Variants in MAP3K6 observed in about 807,000 individuals in gnomAD.
The protein encoded by MAP3K6 is mitogen-activated protein kinase kinase kinase 6, also known as apoptosis signal-regulating kinase 2.
A neutral mutation model predicts 147.1 loss-of-function variants in MAP3K6; 105 were observed. That is an observed-to-expected ratio of 0.71 (90% CI 0.61 to 0.84). MAP3K6 has a LOEUF of 0.84. MAP3K6 is among the 40% of genes least tolerant of loss of function. The pLI is 0.00. For synonymous variants in MAP3K6, 695 were observed against 732.4 expected (o/e 0.95, Z 0.82); for missense variants, 1,569 against 1,715.0 (o/e 0.91, Z 1.50).
chr1:27,358,897 TC>T lies in MAP3K6; in HGVS notation c.2426-32del, dbSNP rs772707316. ...ACAGAAACAGGAGCACCAATGCCCATCTAGGCTTCATCATGGGGTTGGAGCA... is the reference window on the plus strand; with the variant it reads ...ACAGAAACAGGAGCACCAATGCCCATTAGGCTTCATCATGGGGTTGGAGCA... On this transcript the variant is annotated intron_variant, in intron 18 of 28. Transcript: ENST00000357582. This position sits in a 1 kb window ranked among gnomAD's most constrained non-coding sequence, Gnocchi z 6.2. 3.0e-4 allele frequency: 458 copies of T among 1,538,610 alleles called. 1 individual carries two copies. The Middle Eastern group carries it at 9.3e-3, about 31-fold the overall frequency.
At position 27,362,213 on chromosome 1, in the gene MAP3K6, G is replaced by A. The variant is rs775463638; in HGVS notation, c.1293C>T (p.Cys431=). ...CCCAGTAATACTGCATCTTCTCCAC[G>A]CAGCCTTTGCGGGCCAGCAGGCAGC... ...KLGCLLARKG[C]VEKMQYYWDV... Residue 431 remains cysteine, a synonymous_variant, in exon 9 of 29, where the codon TGC becomes TGT. Coordinates refer to ENST00000357582, the MANE Select transcript of MAP3K6 (RefSeq NM_004672.5). 20 of 1,613,028 alleles carry A rather than the reference G, an allele frequency of 1.2e-5. No homozygotes were observed. The East Asian group carries it at 2.5e-4, about 20-fold the overall frequency.
chr1:27,357,128 G>A lies in MAP3K6; in HGVS notation c.3259-14C>T, dbSNP rs775280391. On this transcript the variant is annotated splice_polypyrimidine_tract_variant and intron_variant, in intron 23 of 28. Coordinates refer to ENST00000357582, the MANE Select transcript of MAP3K6 (RefSeq NM_004672.5). Reference sequence around the variant, plus strand: ...GATCTGCTTCACCTGCAGGGGGAGGGAGGCGCCGCTGAGACAGCTGAGCCT... The same window carrying A: ...GATCTGCTTCACCTGCAGGGGGAGGAAGGCGCCGCTGAGACAGCTGAGCCT... 1 of 1,608,276 alleles carries A rather than the reference G, an allele frequency of 6.2e-7. No homozygotes were observed. The highest frequency in any genetic ancestry group is 2.2e-5 in the East Asian group (1 of 44,844).
At chr1:27,356,855 G>A in intron 24 of MAP3K6, 106 bp from the exon 25 acceptor site, 2 of 1,457,032 alleles carry the variant, frequency 1.4e-6, no homozygotes, top group South Asian at 1.3e-5. Flanking sequence ...GGCCCCAGGC[G>A]GTGCCGGTAT....
Position 27,357,075 on chromosome 1 carries a change from A to C in MAP3K6, c.3298T>G (p.Trp1100Gly). ...ILRKRQIRPH[W>G]MFVLDSLLSR... is the part of the protein sequence containing the mutation. Reference sequence around the variant, plus strand: ...AGCAGTGAGTCCAGAACGAACATCCAGTGTGGACGGATCTGGCGCTTGCGG... The same window carrying C: ...AGCAGTGAGTCCAGAACGAACATCCCGTGTGGACGGATCTGGCGCTTGCGG... Residue 1100 changes from tryptophan to glycine, a missense_variant, in exon 24 of 29, where the codon TGG (tryptophan) becomes GGG (glycine). Transcript: ENST00000357582. 1 of 1,614,100 alleles carries C rather than the reference A, an allele frequency of 6.2e-7. No homozygotes were observed. Among genetic ancestry groups the C allele is most frequent in the African/African-American group, 1.3e-5 (1 of 75,064 alleles).
At position 27,358,822 on chromosome 1, in the gene MAP3K6, G is replaced by A. The variant is rs1171225719; in HGVS notation, c.2470C>T (p.Arg824Cys). 16 of 1,607,256 alleles carry A rather than the reference G, an allele frequency of 1.0e-5. No homozygotes were observed. Among genetic ancestry groups the A allele is most frequent in the South Asian group, 5.6e-5 (5 of 90,054 alleles). ...MAPEIIDQGP[R>C]GYGKAADIWS... is the part of the protein sequence containing the mutation. ...ATGTCAGCTGCTTTCCCATACCCGC[G>A]TGGGCCCTGGTCAATGATTTCTGGG... Residue 824 changes from arginine to cysteine, a missense_variant, in exon 19 of 29, where the codon CGC becomes TGC. Coordinates refer to ENST00000357582, the MANE Select transcript of MAP3K6 (RefSeq NM_004672.5). The surrounding 1 kb of genome is among the most constrained non-coding windows in gnomAD (Gnocchi z 6.2).
Position 27,360,558 on chromosome 1 carries a change from G to A in MAP3K6, c.2054+147C>T, listed in dbSNP as rs2015710585. 1 of 1,386,874 alleles carries A rather than the reference G, an allele frequency of 7.2e-7. No homozygotes were observed. Among genetic ancestry groups the A allele is most frequent in the Non-Finnish European group, 9.5e-7 (1 of 1,047,298 alleles). The allele number at this position is 1,386,874 out of a possible 1,614,324, so 85.9% of individuals were successfully genotyped here. On this transcript the variant is annotated intron_variant, in intron 15 of 28. Transcript: ENST00000357582. The surrounding 1 kb of genome is among the most constrained non-coding windows in gnomAD (Gnocchi z 4.5). ...CCGCCCGCACGGTCCTGGCTGTTCCGCCCACGGGCCCAGTCCACAGGGCTC... is the reference window on the plus strand; with the variant it reads ...CCGCCCGCACGGTCCTGGCTGTTCCACCCACGGGCCCAGTCCACAGGGCTC...
In MAP3K6 at chr1:27,364,041, C is replaced by T. The variant is rs1026208474; in HGVS notation, c.740G>A (p.Arg247Gln). The T allele has an allele frequency of 1.3e-5, 21 of 1,612,682 alleles. No homozygotes were observed. The highest frequency in any genetic ancestry group is 3.3e-5 in the Admixed American group (2 of 59,982). Residue 247 changes from arginine (R) to glutamine (Q), a missense_variant, in exon 5 of 29, where the codon CGG becomes CAG. Arg to Gln is a conservative substitution (Grantham distance 43). Coordinates refer to ENST00000357582, the MANE Select transcript of MAP3K6 (RefSeq NM_004672.5). The surrounding 1 kb of genome is among the most constrained non-coding windows in gnomAD (Gnocchi z 4.4). Reference sequence around the variant, plus strand: ...CAGCTGTGGCCCACTGAACCGCTCCCGCGCCTGCCGGATGTCCCGCCGAAT... The same window carrying T: ...CAGCTGTGGCCCACTGAACCGCTCCTGCGCCTGCCGGATGTCCCGCCGAAT... ...ETIRRDIRQA[R>Q]ERFSGPQLRQ... is the part of the protein sequence containing the mutation.
In MAP3K6 at chr1:27,355,359, C is replaced by A. The variant is rs773239731; in HGVS notation, c.*32G>T. ...TCCTCTCCATTCATCCATCCTTGGG[C>A]CTGTCTGGCCTATGATGCCCTCATT... On this transcript the variant is annotated 3_prime_UTR_variant, in exon 29 of 29. Coordinates refer to ENST00000357582, the MANE Select transcript of MAP3K6 (RefSeq NM_004672.5). 3 of 1,586,050 alleles carry A rather than the reference C, an allele frequency of 1.9e-6. No individual in the cohort carries two copies. Among genetic ancestry groups the A allele is most frequent in the African/African-American group, 1.3e-5 (1 of 74,404 alleles).
intron 24 of MAP3K6, 120 bp downstream of exon 24, chr1:27,356,889 C>A: frequency 7.1e-7 from 1 of 1,411,628 alleles, no homozygotes; most frequent in Non-Finnish European, 9.6e-7. Context: ...TTAGTCACGC[C>A]CCCACCGGCG....
In MAP3K6 at chr1:27,366,335, G is replaced by T; in HGVS notation, c.263C>A (p.Pro88His). The change falls in exon 1 of 29, where the codon CCC becomes CAC. Residue 88 changes from proline (P) to histidine (H), a missense_variant. Transcript: ENST00000357582. The surrounding 1 kb of genome is among the most constrained non-coding windows in gnomAD (Gnocchi z 5.5). ...GAAGGGCAGGCTGCGCAGCTGCGGG[G>T]GCGGCCGCGGCCGGGGGACCTGCGC... The part of the protein sequence containing the change: ...ACAQVPRPRP[P>H]PQLRSLPFGT... 1 of 1,293,992 alleles carries T rather than the reference G, an allele frequency of 7.7e-7. No individual in the cohort carries two copies. The highest frequency in any genetic ancestry group is 9.8e-7 in the Non-Finnish European group (1 of 1,022,668). 80.2% of individuals were successfully genotyped at this position (1,293,992 alleles called of 1,614,324 possible). A position where few individuals can be genotyped will look rare whatever the true frequency, so the allele number is the denominator to read the frequency against.
At chr1:27,365,681 G>A (rs919418854) in intron 1 of MAP3K6, among the ~76,000 whole-genome samples, 1 of 150,094 alleles carries the variant, frequency 6.7e-6, no homozygotes, top group African/African-American at 2.5e-5. Context: ...GGGCCGCTGA[G>A]GCCACTTAAC....
At position 27,360,853 on chromosome 1, in the gene MAP3K6, G is replaced by A. The variant is rs2148053740; in HGVS notation, c.1921-15C>T. 9.9e-6 allele frequency: 16 copies of A among 1,612,370 alleles called. No individual in the cohort carries two copies. Among genetic ancestry groups the A allele is most frequent in the Non-Finnish European group, 1.4e-5 (16 of 1,179,692 alleles). ...TCATAATCAAACTGCCGGGCGCGGG[G>A]TGAGATGGGAGTTCAGCAGGGCCCG... On this transcript the variant is annotated splice_polypyrimidine_tract_variant and intron_variant, in intron 14 of 28. Coordinates refer to ENST00000357582, the MANE Select transcript of MAP3K6 (RefSeq NM_004672.5). This position sits in a 1 kb window ranked among gnomAD's most constrained non-coding sequence, Gnocchi z 4.5.
rs569458701 is a variant in MAP3K6, at chr1:27,359,187, C to T, written c.2425+230G>A. Among the ~76,000 whole-genome samples, 5 of 152,288 alleles carry T rather than the reference C, an allele frequency of 3.3e-5. No homozygotes were observed. Among genetic ancestry groups the T allele is most frequent in the Admixed American group, 3.3e-4 (5 of 15,290 alleles). On this transcript the variant is annotated intron_variant, in intron 18 of 28. Transcript: ENST00000357582. This position sits in a 1 kb window ranked among gnomAD's most constrained non-coding sequence, Gnocchi z 4.4. ...ATCACCTGCTTTTTCCTCCAACTCC[C>T]ACCTTGGCCTGCATCAACACTCCTC...
Position 27,363,113 on chromosome 1 carries a change from G to A in MAP3K6, c.972-92C>T, listed in dbSNP as rs915107779. ...CACTGAACCAGCAGGGACCCTTCCA[G>A]GGGCCTGACAATAATGACCTCAAAA... is the stretch of plus-strand genomic sequence containing the variant. On this transcript the variant is annotated intron_variant, in intron 6 of 28. Transcript: ENST00000357582. The A allele has an allele frequency of 9.2e-6, 11 of 1,197,090 alleles. No homozygotes were observed. In the Admixed American group the frequency reaches 3.0e-4, roughly 33 times the overall value. The allele number at this position is 1,197,090 out of a possible 1,614,324, so 74.2% of individuals were successfully genotyped here. A position where few individuals can be genotyped will look rare whatever the true frequency, so the allele number is the denominator to read the frequency against.
In MAP3K6 at chr1:27,366,352, G is replaced by C; in HGVS notation, c.246C>G (p.Val82=). 1.6e-6 allele frequency: 2 copies of C among 1,283,690 alleles called. No individual in the cohort carries two copies. Among genetic ancestry groups the C allele is most frequent in the South Asian group, 4.9e-5 (2 of 41,082 alleles). The allele number at this position is 1,283,690 out of a possible 1,614,324, so 79.5% of individuals were successfully genotyped here. A position where few individuals can be genotyped will look rare whatever the true frequency, so the allele number is the denominator to read the frequency against. ...GCTGCGGGGGCGGCCGCGGCCGGGGGACCTGCGCGCAAGCCTCGCGCAGGC... is the reference window on the plus strand; with the variant it reads ...GCTGCGGGGGCGGCCGCGGCCGGGGCACCTGCGCGCAAGCCTCGCGCAGGC... ...LRCLREACAQ[V]PRPRPPPQLR... is the part of the protein sequence containing the mutation. The change falls in exon 1 of 29, where the codon GTC becomes GTG. Residue 82 remains valine, a synonymous_variant. Transcript: ENST00000357582. This position sits in a 1 kb window ranked among gnomAD's most constrained non-coding sequence, Gnocchi z 5.5.
chr1:27,357,825 C>T lies in MAP3K6; in HGVS notation c.2967G>A (p.Ser989=), dbSNP rs767563402. 6.2e-7 allele frequency: 1 copy of T among 1,602,802 alleles called. No individual in the cohort carries two copies. Among genetic ancestry groups the T allele is most frequent in the South Asian group, 1.1e-5 (1 of 89,756 alleles). The change falls in exon 22 of 29, where the codon TCG becomes TCA. Residue 989 remains serine, a synonymous_variant. Transcript: ENST00000357582. ...TCTCCTGGTGCAGCAGGCTCAGCCC[C>T]GAACTCTCCTCCGGAGACGCAGGCT... ...AEEPASPEES[S]GLSLLHQESK... is the part of the protein sequence containing the mutation.
chr1:27,361,174 G>A lies in MAP3K6; in HGVS notation c.1815C>T (p.Ser605=), dbSNP rs748498714. The part of the protein sequence containing the change: ...PAQDVQLCFP[S]VGHCQWFCGL... The stretch of plus-strand genomic sequence containing the variant: ...CTGCGCACCACTGGCAGTGCCCTAC[G>A]CTGGGGAAGCACAGCTGGACGTCCT... The change falls in exon 13 of 29, where the codon AGC becomes AGT. Residue 605 remains serine (S), a synonymous_variant. Transcript: ENST00000357582. 14 of 1,611,620 alleles carry A rather than the reference G, an allele frequency of 8.7e-6. No individual in the cohort carries two copies. Among genetic ancestry groups the A allele is most frequent in the Non-Finnish European group, 1.2e-5 (14 of 1,179,354 alleles).
chr1:27,363,649 A>G (rs2015867599), intron 5 of MAP3K6, 101 bp from the exon 6 acceptor site: 11 of 945,624 alleles, frequency 1.2e-5, no homozygotes, highest in Non-Finnish European at 1.6e-5. Flanking sequence ...CCCAGCCACC[A>G]TCTTCTGCAC....
At position 27,358,216 on chromosome 1, in the gene MAP3K6, CT is replaced by C. The variant is rs1283825901; in HGVS notation, c.2879del (p.Lys960SerfsTer32). The C allele has an allele frequency of 6.3e-6, 10 of 1,596,102 alleles. No individual in the cohort carries two copies. The highest frequency in any genetic ancestry group is 8.5e-6 in the Non-Finnish European group (10 of 1,175,118). ...APSQHPPSPP[K>X]RCLSYGGTSQ... ...TGGTGCCCCCATAACTGAGGCAGCG[CT>C]TCGGGGGGCTGGGTGGGTGCTGAGA... On this transcript the variant is annotated frameshift_variant, in exon 21 of 29. Coordinates refer to ENST00000357582, the MANE Select transcript of MAP3K6 (RefSeq NM_004672.5). LOFTEE classifies it high-confidence loss of function. The surrounding 1 kb of genome is among the most constrained non-coding windows in gnomAD (Gnocchi z 6.2).
Sources: allele counts gnomAD v4.1 joint callset (sites outside exome capture counted in the v4.1 genomes callset), GRCh38; gene constraint gnomAD v4.1.1; non-coding constraint Gnocchi (gnomAD v3.1); transcripts MANE v1.5; gene names NCBI Gene and HGNC (gene_info 2026-07-23, HGNC 2026-07-21).